The following TMEM131L variants were observed in gnomAD, a reference collection of about 807,000 sequenced individuals.
TMEM131L encodes transmembrane protein 131-like.
Under a neutral mutation model 192.2 loss-of-function variants are expected in TMEM131L, and 54 were observed. The ratio of observed to expected loss-of-function variants is 0.28; its 90% confidence interval spans 0.23 to 0.35. The LOEUF (loss-of-function observed/expected upper bound fraction) is 0.35. Ranked by LOEUF, TMEM131L falls within the 10% of genes least tolerant of loss-of-function variation. TMEM131L has a pLI of 1.00. For missense variants in TMEM131L, 1,888 were observed against 1,972.9 expected (o/e 0.96, Z 0.82); for synonymous variants, 701 against 704.9 (o/e 0.99, Z 0.09).
intron 3 of TMEM131L, among the ~76,000 whole-genome samples, chr4:153,533,880 A>G (rs1736107564): frequency 6.6e-6 from 1 of 152,252 alleles, no homozygotes; most frequent in African/African-American, 2.4e-5. Flanking sequence ...TGGCATGAAT[A>G]GACCCGATAT....
chr4:153,473,288 G>A (rs1434565778), intron 2 of TMEM131L, among the ~76,000 whole-genome samples: 5 of 152,334 alleles, frequency 3.3e-5, no homozygotes, highest in African/African-American at 1.2e-4. Flanking sequence ...GGTCTTTGCT[G>A]CACAGAGTGC....
At chr4:153,614,524 G>T (rs989601444) in intron 26 of TMEM131L, among the ~76,000 whole-genome samples, 10 of 152,272 alleles carry the variant, frequency 6.6e-5, no homozygotes, top group East Asian at 3.9e-4. Context: ...TTGGTGGGGG[G>T]CGGCGGGGTG....
At chr4:153,493,205 G>A (rs1253442192) in intron 3 of TMEM131L, among the ~76,000 whole-genome samples, 1 of 151,562 alleles carries the variant, frequency 6.6e-6, no homozygotes, top group African/African-American at 2.4e-5. Flanking sequence ...AATTAGCCGG[G>A]CGTGGTGGCA....
chr4:153,582,365 C>T (rs1394178303), intron 9 of TMEM131L, among the ~76,000 whole-genome samples: 1 of 150,898 alleles, frequency 6.6e-6, no homozygotes, highest in Non-Finnish European at 1.5e-5. Context: ...CCACCTTGGC[C>T]TCCCAAGTAG....
chr4:153,565,939 T>C (rs896750328), intron 7 of TMEM131L, among the ~76,000 whole-genome samples: 1 of 152,170 alleles, frequency 6.6e-6, no homozygotes, highest in African/African-American at 2.4e-5. Flanking sequence ...ATTCAAGCCA[T>C]TGAGATTTGG....
chr4:153,526,059 A>G (rs539251250), intron 3 of TMEM131L, among the ~76,000 whole-genome samples: 1 of 151,980 alleles, frequency 6.6e-6, no homozygotes, highest in Non-Finnish European at 1.5e-5. Flanking sequence ...GGGTTTCACC[A>G]TGTTGGCCAG....
At chr4:153,557,261 G>C (rs1220196302) in intron 6 of TMEM131L, among the ~76,000 whole-genome samples, 179 bp downstream of exon 6, 1 of 152,200 alleles carries the variant, frequency 6.6e-6, no homozygotes, top group African/African-American at 2.4e-5. Context: ...ACATGCCACA[G>C]TTGGCTGGCT....
intron 3 of TMEM131L, among the ~76,000 whole-genome samples, chr4:153,534,759 A>T (rs1195407975): frequency 1.3e-5 from 2 of 152,136 alleles, no homozygotes; most frequent in African/African-American, 4.8e-5. Context: ...GATGGAGATG[A>T]GGGAGTTTGC....
chr4:153,598,679 G>C lies in TMEM131L; in HGVS notation c.2213G>C (p.Gly738Ala), dbSNP rs1731618636. The C allele has an allele frequency of 4.3e-6, 7 of 1,614,020 alleles. No individual in the cohort carries two copies. The highest frequency in any genetic ancestry group is 5.9e-6 in the Non-Finnish European group (7 of 1,179,958). Residue 738 changes from glycine to alanine, a missense_variant, in exon 21 of 35, where the codon GGA becomes GCA. By Grantham distance (60) the Gly-to-Ala change is moderately conservative. Coordinates refer to ENST00000409959, the MANE Select transcript of TMEM131L (RefSeq NM_001131007.2). The part of the protein sequence containing the change: ...LKVGGRLPGA[G>A]GSLRFKVPES... ...GTGGGTGGAAGACTTCCTGGTGCAG[G>C]AGGCTCACTCCGATTTAAGGTGCCC...
chr4:153,473,644 T>C (rs936196116), intron 2 of TMEM131L, among the ~76,000 whole-genome samples: 2 of 152,072 alleles, frequency 1.3e-5, no homozygotes, highest in African/African-American at 4.8e-5. Flanking sequence ...ATACAAAAAT[T>C]AGCCAGGTGT....
intron 3 of TMEM131L, among the ~76,000 whole-genome samples, chr4:153,505,503 C>T (rs1580092917): frequency 6.6e-6 from 1 of 152,248 alleles, no homozygotes; most frequent in South Asian, 2.1e-4. Context: ...AAGATCTTAT[C>T]TCCAAATATA....
At chr4:153,503,012 C>T (rs1026774435) in intron 3 of TMEM131L, among the ~76,000 whole-genome samples, 1 of 151,928 alleles carries the variant, frequency 6.6e-6, no homozygotes, top group Non-Finnish European at 1.5e-5. Context: ...ATGTTTATTC[C>T]TATTGACCCA....
At chr4:153,574,436 T>C (rs545261148) in intron 7 of TMEM131L, among the ~76,000 whole-genome samples, 2 of 151,842 alleles carry the variant, frequency 1.3e-5, no homozygotes, top group South Asian at 4.2e-4. Context: ...AAATTAGGAG[T>C]GTGGTTATAG....
chr4:153,535,469 G>T (rs1453468775), intron 3 of TMEM131L, among the ~76,000 whole-genome samples: 1 of 152,166 alleles, frequency 6.6e-6, no homozygotes, highest in Non-Finnish European at 1.5e-5. Flanking sequence ...GAGGACCAGG[G>T]TCTGGAGCCT....
rs532876187 is a variant in TMEM131L, at chr4:153,588,571, C to T, written c.1553-319C>T. 6.6e-5 allele frequency among the ~76,000 whole-genome samples: 10 copies of T among 151,204 alleles called. No individual in the cohort carries two copies. In the South Asian group the frequency reaches 1.9e-3, roughly 29 times the overall value. ...ATTAGCATGTGTGTGGAAGGAGTTT[C>T]GCATTTTAGATTTAAAGCTGTTAAA... is the stretch of plus-strand genomic sequence containing the variant. On this transcript the variant is annotated intron_variant, in intron 15 of 34. Transcript: ENST00000409959.
rs1198489049 is a variant in TMEM131L at position 153,510,194 on chromosome 4, C to T, written c.239+36306C>T. 2.0e-5 allele frequency among the ~76,000 whole-genome samples: 3 copies of T among 152,092 alleles called. No homozygotes were observed. In the East Asian group the frequency reaches 5.8e-4, roughly 29 times the overall value. On this transcript the variant is annotated intron_variant, in intron 3 of 34. Coordinates refer to ENST00000409959, the MANE Select transcript of TMEM131L (RefSeq NM_001131007.2). The stretch of plus-strand genomic sequence containing the variant: ...ATGCTTCCCTATCATCTCCATCTGC[C>T]CCAGAACTCAAGGTCTGTCCATGCT...
chr4:153,514,410 G>A (rs373338671), intron 3 of TMEM131L, among the ~76,000 whole-genome samples: 2 of 152,304 alleles, frequency 1.3e-5, no homozygotes, highest in East Asian at 3.9e-4. Flanking sequence ...TGAGAAATGA[G>A]TCAACAATGC....
chr4:153,532,981 A>ATTTTTTTTTTTTTTTT (rs1736020667), intron 3 of TMEM131L, among the ~76,000 whole-genome samples: 1 of 139,342 alleles, frequency 7.2e-6, no homozygotes, highest in African/African-American at 2.8e-5. Context: ...CTCTTTCTCA[A>ATTTTTTTTTTTTTTTT]TTCTTTTTTT....
chr4:153,521,109 C>T (rs184421318), intron 3 of TMEM131L, among the ~76,000 whole-genome samples: 11 of 152,248 alleles, frequency 7.2e-5, no homozygotes, highest in East Asian at 5.8e-4. Flanking sequence ...AGCCACTTTC[C>T]GGCTCTGTGA....
Sources: allele counts gnomAD v4.1 joint callset (sites outside exome capture counted in the v4.1 genomes callset), GRCh38; gene constraint gnomAD v4.1.1; transcripts MANE v1.5; gene names NCBI Gene and HGNC (gene_info 2026-07-23, HGNC 2026-07-21).